The following KIAA1217 variants were observed in gnomAD, a reference collection of about 807,000 sequenced individuals.
KIAA1217 encodes KIAA1217, also known as sickle tail protein homolog.
A neutral mutation model predicts 163.9 loss-of-function variants in KIAA1217; 88 were observed. That is an observed-to-expected ratio of 0.54 (90% CI 0.45 to 0.64). KIAA1217 has a LOEUF of 0.64. KIAA1217 is among the 30% of genes least tolerant of loss of function. The pLI, the probability that KIAA1217 is intolerant of heterozygous loss-of-function variation, is 0.00. For missense variants in KIAA1217, 2,372 were observed against 2,475.0 expected (o/e 0.96, Z 0.88); for synonymous variants, 903 against 923.1 (o/e 0.98, Z 0.39).
chr10:24,048,908 G>A (rs1367944065), intron 2 of KIAA1217, among the ~76,000 whole-genome samples: 1 of 151,216 alleles, frequency 6.6e-6, no homozygotes, highest in Non-Finnish European at 1.5e-5. Flanking sequence ...GCGGGCACCT[G>A]TAATTCCAGC....
chr10:24,481,349 GA>G (rs1449683453), intron 6 of KIAA1217: 1 of 152,166 alleles, frequency 6.6e-6, no homozygotes, highest in Non-Finnish European at 1.5e-5. Flanking sequence ...CACAATCATT[GA>G]ATTTCACACG....
intron 1 of KIAA1217, among the ~76,000 whole-genome samples, chr10:23,748,491 AAGAAG>A (rs1325007159): frequency 7.8e-5 from 11 of 140,144 alleles, no homozygotes; most frequent in African/African-American, 2.9e-4. Flanking sequence ...GAAGGAAGGA[AAGAAG>A]GGAAAGGAGA....
upstream of KIAA1217, among the ~76,000 whole-genome samples, chr10:24,206,574 T>C (rs747749251): frequency 4.7e-4 from 72 of 152,338 alleles, no homozygotes; most frequent in Non-Finnish European, 9.4e-4. Context: ...CAAATTGTTT[T>C]CAGTTCCTCT....
chr10:23,960,006 C>T (rs190848442), intron 1 of KIAA1217, among the ~76,000 whole-genome samples: 3 of 150,930 alleles, frequency 2.0e-5, no homozygotes, highest in East Asian at 1.9e-4. Flanking sequence ...AGCTCCTCCT[C>T]CCGGGTTCAC....
chr10:24,127,492 A>G (rs901068883), intron 2 of KIAA1217, among the ~76,000 whole-genome samples: 3 of 152,290 alleles, frequency 2.0e-5, no homozygotes, highest in Admixed American at 1.3e-4. Context: ...CTGGAATCCT[A>G]TGATTTTTCT....
intron 2 of KIAA1217, among the ~76,000 whole-genome samples, chr10:24,123,354 TATC>T (rs2063354806): frequency 6.6e-6 from 1 of 152,170 alleles, no homozygotes; most frequent in Non-Finnish European, 1.5e-5. Flanking sequence ...TGCAGGATAG[TATC>T]ATGTTGCATA....
chr10:24,134,385 T>C (rs530640914), intron 2 of KIAA1217, among the ~76,000 whole-genome samples: 4 of 152,298 alleles, frequency 2.6e-5, no homozygotes, highest in African/African-American at 9.6e-5. Context: ...GTAGAAAGTG[T>C]TGGCTTCCAG....
chr10:24,401,351 AAGCAAATC>A (rs1299969542), intron 3 of KIAA1217, among the ~76,000 whole-genome samples: 1 of 152,160 alleles, frequency 6.6e-6, no homozygotes, highest in African/African-American at 2.4e-5. Context: ...AATACATTAT[AAGCAAATC>A]AGATTCATCA....
intron 2 of KIAA1217, among the ~76,000 whole-genome samples, chr10:24,363,414 A>G (rs1213624862): frequency 1.3e-5 from 2 of 152,202 alleles, no homozygotes; most frequent in Non-Finnish European, 1.5e-5. Context: ...CCATTTTCTT[A>G]TGATAGCTGA....
intron 1 of KIAA1217, among the ~76,000 whole-genome samples, chr10:23,904,249 T>A (rs1020338448): frequency 2.6e-5 from 4 of 152,198 alleles, no homozygotes; most frequent in African/African-American, 7.2e-5. Context: ...GTGAATGCTC[T>A]GTACACATTG....
chr10:24,153,431 C>T lies in KIAA1217; in HGVS notation c.-170-66195C>T, dbSNP rs191971064. 3.0e-3 allele frequency among the ~76,000 whole-genome samples: 458 copies of T among 152,298 alleles called. 12 individuals are homozygous for T. Among genetic ancestry groups the T allele is most frequent in the Admixed American group, 0.027 (418 of 15,300 alleles). ...GGTACCATATGTCTTTCAGAAGGCA[C>T]TTGGAGCTTTACACATTTGATCTAA... On this transcript the variant is annotated intron_variant, in intron 2 of 18. Transcript: ENST00000376462.
At chr10:23,702,996 T>C (rs1307166049) in intron 1 of KIAA1217, among the ~76,000 whole-genome samples, 10 of 152,022 alleles carry the variant, frequency 6.6e-5, no homozygotes, top group Non-Finnish European at 8.8e-5. Flanking sequence ...AAAGCGCTTC[T>C]GGTTGCCTTT....
chr10:23,823,188 G>A (rs1022005503), intron 1 of KIAA1217, among the ~76,000 whole-genome samples: 1 of 152,218 alleles, frequency 6.6e-6, no homozygotes, highest in Non-Finnish European at 1.5e-5. Flanking sequence ...CATTCTGGAG[G>A]CTTTGGGGGA....
chr10:23,834,835 G>T (rs910210466), intron 1 of KIAA1217, among the ~76,000 whole-genome samples: 1 of 152,174 alleles, frequency 6.6e-6, no homozygotes, highest in African/African-American at 2.4e-5. Flanking sequence ...GAGGAGATTT[G>T]TGCCATGGAG....
chr10:24,097,002 A>G (rs2062190009), intron 2 of KIAA1217, among the ~76,000 whole-genome samples: 1 of 152,200 alleles, frequency 6.6e-6, no homozygotes, highest in Non-Finnish European at 1.5e-5. Context: ...CACACAGTAC[A>G]ATACATTGTA....
intron 2 of KIAA1217, among the ~76,000 whole-genome samples, chr10:24,094,833 A>C (rs1406721438): frequency 1.3e-5 from 2 of 152,212 alleles, no homozygotes; most frequent in African/African-American, 4.8e-5. Flanking sequence ...CCCTGCCCCC[A>C]GAGGTGGAGC....
intron 1 of KIAA1217, among the ~76,000 whole-genome samples, chr10:23,912,001 A>G (rs1461054378): frequency 6.6e-6 from 1 of 152,138 alleles, no homozygotes; most frequent in East Asian, 1.9e-4. Flanking sequence ...TTAGCTTACT[A>G]GGAGGTGTAG....
intron 1 of KIAA1217, among the ~76,000 whole-genome samples, chr10:23,883,371 T>A (rs967284268): frequency 2.0e-5 from 3 of 151,878 alleles, no homozygotes; most frequent in African/African-American, 7.2e-5. Flanking sequence ...ATTTTTTGCC[T>A]CTTGCTTAAA....
At chr10:23,949,682 G>A (rs886282595) in intron 1 of KIAA1217, among the ~76,000 whole-genome samples, 5 of 152,038 alleles carry the variant, frequency 3.3e-5, no homozygotes, top group Non-Finnish European at 1.5e-5. Flanking sequence ...AGTCATTTAT[G>A]ATCATGATAA....
Sources: gnomAD v4.1 joint callset for allele counts (sites outside exome capture counted in the v4.1 genomes callset) on GRCh38, gnomAD v4.1.1 for gene constraint, MANE v1.5 for transcripts, NCBI Gene and HGNC (gene_info 2026-07-23, HGNC 2026-07-21) for gene names.